Variants in LIN7A observed in about 807,000 individuals in gnomAD.
LIN7A encodes the protein protein lin-7 homolog A.
LIN7A carries 25 observed loss-of-function variants against 29.8 expected under a neutral mutation model. The observed-to-expected ratio is 0.84, with a 90% CI of 0.61 to 1.17. The LOEUF (loss-of-function observed/expected upper bound fraction) is 1.17. Among genes scored for constraint, LIN7A ranks in the 50% most tolerant of loss-of-function variants. LIN7A has a pLI of 0.00. For synonymous variants in LIN7A, 118 were observed against 107.5 expected (o/e 1.10, Z -0.60); for missense variants, 239 against 287.0 (o/e 0.83, Z 1.21).
chr12:80,821,177 A>G (rs1014210209), intron 4 of LIN7A, among the ~76,000 whole-genome samples: 1 of 152,194 alleles, frequency 6.6e-6, no homozygotes, highest in Admixed American at 6.5e-5. Context: ...CAGGGCAGAA[A>G]GGCCAGGGAT....
chr12:80,855,100 T>TA (rs1873531854), intron 2 of LIN7A, among the ~76,000 whole-genome samples: 1 of 151,812 alleles, frequency 6.6e-6, no homozygotes, highest in Admixed American at 6.6e-5. Flanking sequence ...TAGCATCATA[T>TA]AAACCCCTCT....
At chr12:80,849,456 C>T (rs1163587518) in intron 2 of LIN7A, among the ~76,000 whole-genome samples, 1 of 152,096 alleles carries the variant, frequency 6.6e-6, no homozygotes, top group African/African-American at 2.4e-5. Context: ...TTCATTCCAC[C>T]CTAGCTCATT....
At chr12:80,901,292 A>T (rs182377319) in intron 1 of LIN7A, among the ~76,000 whole-genome samples, 1 of 152,286 alleles carries the variant, frequency 6.6e-6, no homozygotes, top group East Asian at 1.9e-4. Context: ...CAGCTAGGTG[A>T]AAAAACAGAA....
intron 1 of LIN7A, among the ~76,000 whole-genome samples, chr12:80,931,667 C>T (rs1453860087): frequency 6.6e-6 from 1 of 151,628 alleles, no homozygotes; most frequent in Non-Finnish European, 1.5e-5. Flanking sequence ...ATGGAAAACT[C>T]CTGGAGTGTT....
intron 4 of LIN7A, among the ~76,000 whole-genome samples, chr12:80,832,156 A>T (rs1159515936): frequency 1.3e-5 from 2 of 152,248 alleles, no homozygotes; most frequent in Non-Finnish European, 2.9e-5. Context: ...CAAATCACTC[A>T]AAGCTAAAGC....
At position 80,797,118 on chromosome 12, in the gene LIN7A, T is replaced by A. The variant is rs1870485375; in HGVS notation, c.*609A>T. On this transcript the variant is annotated 3_prime_UTR_variant, in exon 6 of 6. Coordinates refer to ENST00000552864, the MANE Select transcript of LIN7A (RefSeq NM_004664.4). ...ATTGGTCCATTCTATTAATGCATAA[T>A]AAAATTCATGGAAACAAAAGAAAAA... 6.6e-6 allele frequency: 1 copy of A among 152,254 alleles called. No homozygotes were observed. Among genetic ancestry groups the A allele is most frequent in the East Asian group, 1.9e-4 (1 of 5,188 alleles). The allele number at this position is 152,254 out of a possible 1,614,324, so 9.4% of individuals were successfully genotyped here. A position where few individuals can be genotyped will look rare whatever the true frequency, so the allele number is the denominator to read the frequency against.
intron 2 of LIN7A, among the ~76,000 whole-genome samples, chr12:80,868,463 G>A (rs1045733560): frequency 5.9e-5 from 9 of 152,210 alleles, no homozygotes; most frequent in African/African-American, 2.2e-4. Context: ...AGCTACTTGG[G>A]AGGCTGAGTC....
In LIN7A at chr12:80,876,475, A is replaced by G. The variant is rs546254413; in HGVS notation, c.201+12776T>C. Among the ~76,000 whole-genome samples, 4 of 152,344 alleles carry G rather than the reference A, an allele frequency of 2.6e-5. No homozygotes were observed. In the South Asian group the frequency reaches 8.3e-4, roughly 32 times the overall value. ...TTTATTCATGAAAGATACCTTGAAG[A>G]CAAGTTACAAAGGAAGATAATATAT... On this transcript the variant is annotated intron_variant, in intron 2 of 5. Coordinates refer to ENST00000552864, the MANE Select transcript of LIN7A (RefSeq NM_004664.4).
intron 5 of LIN7A, 27 bp from the exon 6 acceptor site, chr12:80,797,753 A>G (rs1870522778): frequency 6.6e-6 from 1 of 152,664 alleles, no homozygotes; most frequent in Admixed American, 6.5e-5. Flanking sequence ...GTGAAGAGAA[A>G]TCAGTGATTA....
chr12:80,935,823 G>T, intron 1 of LIN7A: 1 of 490,724 alleles, frequency 2.0e-6, no homozygotes, highest in Non-Finnish European at 4.4e-6. Context: ...GAGTTTGGCT[G>T]TGAACAAGAG....
At position 80,840,837 on chromosome 12, in the gene LIN7A, T is replaced by C. The variant is rs572142382; in HGVS notation, c.483+4893A>G. 2.0e-5 allele frequency among the ~76,000 whole-genome samples: 3 copies of C among 152,290 alleles called. No individual in the cohort carries two copies. The South Asian group carries it at 6.2e-4, about 32-fold the overall frequency. ...TTTGGGGCCAACCATTCCAACTCTG[T>C]ACATGGTACTCATATTTTGAAATAC... On this transcript the variant is annotated intron_variant, in intron 4 of 5. Coordinates refer to ENST00000552864, the MANE Select transcript of LIN7A (RefSeq NM_004664.4).
At chr12:80,866,126 CT>C (rs1279197068) in intron 2 of LIN7A, among the ~76,000 whole-genome samples, 1 of 152,104 alleles carries the variant, frequency 6.6e-6, no homozygotes, top group Non-Finnish European at 1.5e-5. Context: ...ATATTTGTTT[CT>C]GTTATGTAGA....
chr12:80,848,085 A>T, intron 3 of LIN7A, 166 bp downstream of exon 3: 1 of 695,818 alleles, frequency 1.4e-6, no homozygotes, highest in South Asian at 1.5e-5. Flanking sequence ...TCAATTTTCC[A>T]TTAGGATTTT....
chr12:80,875,411 A>C (rs757161553), intron 2 of LIN7A, among the ~76,000 whole-genome samples: 1 of 152,208 alleles, frequency 6.6e-6, no homozygotes, highest in Non-Finnish European at 1.5e-5. Context: ...CCCTGTATAC[A>C]TTACCAACTT....
chr12:80,845,787 C>T lies in LIN7A; in HGVS notation c.426G>A (p.Val142=). 6.2e-7 allele frequency: 1 copy of T among 1,613,848 alleles called. No homozygotes were observed. Among genetic ancestry groups the T allele is most frequent in the Non-Finnish European group, 8.5e-7 (1 of 1,179,934 alleles). ...IYISRIIPGG[V]AERHGGLKRG... is the part of the protein sequence containing the mutation. ...TTTTGAGGCCTCCGTGTCTTTCAGC[C>T]ACCCCTCCAGGAATTATGCGAGAGA... Residue 142 remains valine (V), a synonymous_variant, in exon 4 of 6, where the codon GTG becomes GTA. Transcript: ENST00000552864.
At chr12:80,862,457 G>A (rs1212320756) in intron 2 of LIN7A, among the ~76,000 whole-genome samples, 2 of 152,182 alleles carry the variant, frequency 1.3e-5, no homozygotes, top group East Asian at 1.9e-4. Flanking sequence ...CTGAATCTCT[G>A]GTTACATTTT....
At chr12:80,878,443 T>C (rs1017033989) in intron 2 of LIN7A, among the ~76,000 whole-genome samples, 2 of 152,190 alleles carry the variant, frequency 1.3e-5, no homozygotes, top group African/African-American at 4.8e-5. Context: ...TGTCTGGAGT[T>C]TGTTCCTGCT....
At chr12:80,886,176 T>A in intron 2 of LIN7A, among the ~76,000 whole-genome samples, 1 of 148,764 alleles carries the variant, frequency 6.7e-6, no homozygotes, top group East Asian at 2.0e-4. Flanking sequence ...TTCTGAGCAT[T>A]ATTTGAATAA....
intron 1 of LIN7A, among the ~76,000 whole-genome samples, chr12:80,928,291 C>T (rs944028793): frequency 6.6e-6 from 1 of 152,130 alleles, no homozygotes; most frequent in Non-Finnish European, 1.5e-5. Flanking sequence ...ACACTGTCTT[C>T]CACAATGGTT....
Sources: gnomAD v4.1 joint callset for allele counts (sites outside exome capture counted in the v4.1 genomes callset) on GRCh38, gnomAD v4.1.1 for gene constraint, MANE v1.5 for transcripts, NCBI Gene and HGNC (gene_info 2026-07-23, HGNC 2026-07-21) for gene names.